Variants in GRID2 observed in about 807,000 individuals in gnomAD.
GRID2 encodes glutamate ionotropic receptor delta type subunit 2.
In GRID2, 33 loss-of-function variants were observed where a neutral mutation model predicts 114.8. The observed-to-expected ratio is 0.29, with a 90% CI of 0.22 to 0.38. The LOEUF (loss-of-function observed/expected upper bound fraction) is 0.38, where lower values mean the gene tolerates loss of function less well. Ranked by LOEUF, GRID2 falls within the 10% of genes least tolerant of loss-of-function variation. The pLI is 1.00. For synonymous variants in GRID2, 505 were observed against 449.9 expected (o/e 1.12, Z -1.55); for missense variants, 1,184 against 1,257.7 (o/e 0.94, Z 0.89).
intron 1 of GRID2, among the ~76,000 whole-genome samples, chr4:92,328,446 A>G (rs1726707259): frequency 6.6e-6 from 1 of 152,070 alleles, no homozygotes; most frequent in Admixed American, 6.6e-5. Flanking sequence ...GAAAATGATG[A>G]CAACTTGTTT....
At chr4:93,006,291 C>T (rs1380690503) in intron 2 of GRID2, among the ~76,000 whole-genome samples, 1 of 152,010 alleles carries the variant, frequency 6.6e-6, no homozygotes, top group Admixed American at 6.6e-5. Flanking sequence ...ATTAGAAAGA[C>T]AGACAGAGAC....
intron 1 of GRID2, among the ~76,000 whole-genome samples, chr4:92,422,909 C>T (rs370311254): frequency 3.3e-5 from 5 of 152,152 alleles, no homozygotes; most frequent in Non-Finnish European, 7.4e-5. Context: ...GTTCAGCATA[C>T]GCCCAGGAAT....
intron 13 of GRID2, among the ~76,000 whole-genome samples, chr4:93,547,769 C>T (rs1328210734): frequency 6.6e-6 from 1 of 152,128 alleles, no homozygotes; most frequent in Non-Finnish European, 1.5e-5. Context: ...CGTACCTGAC[C>T]TAAGTAGGAG....
At chr4:92,449,897 C>T (rs985575008) in intron 1 of GRID2, among the ~76,000 whole-genome samples, 5 of 151,346 alleles carry the variant, frequency 3.3e-5, no homozygotes, top group Non-Finnish European at 4.4e-5. Flanking sequence ...AAAGCAATTC[C>T]ATCAAAGCTG....
chr4:92,747,557 C>G (rs1228442151), intron 2 of GRID2, among the ~76,000 whole-genome samples: 1 of 152,068 alleles, frequency 6.6e-6, no homozygotes, highest in African/African-American at 2.4e-5. Flanking sequence ...TGCTACAACT[C>G]TTATCCATAG....
intron 1 of GRID2, among the ~76,000 whole-genome samples, chr4:92,541,983 G>A (rs943429022): frequency 6.6e-6 from 1 of 152,014 alleles, no homozygotes; most frequent in African/African-American, 2.4e-5. Context: ...AGTGAAGTGT[G>A]TTTGTGTTCT....
chr4:93,264,550 G>A (rs1053251298), intron 8 of GRID2, among the ~76,000 whole-genome samples: 3 of 151,144 alleles, frequency 2.0e-5, no homozygotes, highest in African/African-American at 4.9e-5. Flanking sequence ...GCACTTACAC[G>A]AAGACATGGG....
At chr4:93,645,869 T>A (rs1195009891) in intron 14 of GRID2, among the ~76,000 whole-genome samples, 1 of 152,214 alleles carries the variant, frequency 6.6e-6, no homozygotes, top group African/African-American at 2.4e-5. Flanking sequence ...TTACAAAATC[T>A]ATCTTACACT....
At chr4:92,539,869 G>A (rs1325833134) in intron 1 of GRID2, among the ~76,000 whole-genome samples, 2 of 152,098 alleles carry the variant, frequency 1.3e-5, no homozygotes, top group East Asian at 3.9e-4. Context: ...AAATCTTGAA[G>A]TCGGGTAGCT....
chr4:92,777,126 T>C (rs1295724719), intron 2 of GRID2, among the ~76,000 whole-genome samples: 2 of 151,722 alleles, frequency 1.3e-5, no homozygotes, highest in East Asian at 1.9e-4. Context: ...GAGAAGAGAT[T>C]CCCACTTTGC....
chr4:92,317,411 T>C (rs1037837002), intron 1 of GRID2, among the ~76,000 whole-genome samples: 69 of 152,360 alleles, frequency 4.5e-4, no homozygotes, highest in Admixed American at 7.2e-4. Flanking sequence ...AGGGAAAACA[T>C]TGAAAACTGA....
intron 1 of GRID2, among the ~76,000 whole-genome samples, chr4:92,395,689 TTATAA>T (rs562420181): frequency 3.3e-4 from 50 of 151,956 alleles, no homozygotes; most frequent in South Asian, 1.7e-3. Flanking sequence ...AAAACTCTAG[TTATAA>T]TATAATAGCA....
intron 1 of GRID2, among the ~76,000 whole-genome samples, chr4:92,505,029 G>T (rs887003148): frequency 1.3e-5 from 2 of 151,934 alleles, no homozygotes; most frequent in Non-Finnish European, 2.9e-5. Context: ...ATTTAAAAGA[G>T]AAAATGTAAC....
intron 2 of GRID2, among the ~76,000 whole-genome samples, chr4:92,720,604 A>T (rs956709702): frequency 3.3e-5 from 5 of 152,104 alleles, no homozygotes; most frequent in South Asian, 4.1e-4. Context: ...ATACCATGTG[A>T]TTATTAACAA....
chr4:92,503,223 A>C (rs1449077002), intron 1 of GRID2, among the ~76,000 whole-genome samples: 1 of 152,132 alleles, frequency 6.6e-6, no homozygotes, highest in Non-Finnish European at 1.5e-5. Flanking sequence ...AGCAAACCCT[A>C]AATTTTAAAA....
chr4:92,320,832 T>A (rs1726276626), intron 1 of GRID2, among the ~76,000 whole-genome samples: 1 of 152,188 alleles, frequency 6.6e-6, no homozygotes, highest in Non-Finnish European at 1.5e-5. Context: ...TGTTTTTTAC[T>A]ATAAGTGTAC....
At chr4:93,600,057 A>G (rs1285806358) in intron 13 of GRID2, among the ~76,000 whole-genome samples, 1 of 152,204 alleles carries the variant, frequency 6.6e-6, no homozygotes, top group Non-Finnish European at 1.5e-5. Flanking sequence ...GCTGCCATAT[A>G]CCACAGCGTA....
intron 1 of GRID2, among the ~76,000 whole-genome samples, chr4:92,522,385 G>A (rs1397443564): frequency 2.6e-5 from 4 of 151,990 alleles, no homozygotes; most frequent in Non-Finnish European, 5.9e-5. Flanking sequence ...ATAAGCCATT[G>A]TGACAACTTA....
intron 8 of GRID2, among the ~76,000 whole-genome samples, chr4:93,328,527 C>T (rs1579695741): frequency 6.6e-6 from 1 of 152,172 alleles, no homozygotes; most frequent in African/African-American, 2.4e-5. Context: ...ATATCTTATA[C>T]ATATGAGTCC....
Sources: allele counts gnomAD v4.1 joint callset (sites outside exome capture counted in the v4.1 genomes callset), GRCh38; gene constraint gnomAD v4.1.1; transcripts MANE v1.5; gene names NCBI Gene and HGNC (gene_info 2026-07-23, HGNC 2026-07-21).